Variants in NRG1 observed in about 807,000 individuals in gnomAD.
NRG1 encodes the protein pro-neuregulin-1, membrane-bound isoform.
NRG1 carries 18 observed loss-of-function variants against 63.8 expected under a neutral mutation model. That is an observed-to-expected ratio of 0.28 (90% CI 0.19 to 0.42). NRG1 has a LOEUF of 0.42. Ranked by LOEUF, NRG1 falls within the 10% of genes least tolerant of loss-of-function variation. The pLI is 1.00. For synonymous variants in NRG1, 302 were observed against 301.3 expected (o/e 1.00, Z -0.02); for missense variants, 762 against 814.7 (o/e 0.94, Z 0.79).
intron 7 of NRG1, chr8:32,748,607 T>C (rs1828035376): frequency 4.7e-6 from 2 of 422,180 alleles, no homozygotes; most frequent in Non-Finnish European, 9.4e-6. Context: ...TTGCTGGCTC[T>C]TGGCTCATAC....
At chr8:32,167,347 C>A (rs1585784145) in intron 1 of NRG1, among the ~76,000 whole-genome samples, 1 of 152,056 alleles carries the variant, frequency 6.6e-6, no homozygotes, top group Non-Finnish European at 1.5e-5. Context: ...TTTGTTTTAT[C>A]CACTTTTATA....
chr8:32,397,775 A>G (rs1587364674), intron 1 of NRG1, among the ~76,000 whole-genome samples: 1 of 152,200 alleles, frequency 6.6e-6, no homozygotes, highest in Non-Finnish European at 1.5e-5. Context: ...AGTGATACCC[A>G]GTCTATTGCA....
intron 1 of NRG1, among the ~76,000 whole-genome samples, chr8:31,687,907 A>G (rs1809072985): frequency 6.6e-6 from 1 of 152,298 alleles, no homozygotes; most frequent in South Asian, 2.1e-4. Context: ...TCTGCAGCTC[A>G]GACTGTTCCA....
intron 5 of NRG1, among the ~76,000 whole-genome samples, chr8:32,652,819 G>A (rs1431047162): frequency 6.6e-6 from 1 of 151,958 alleles, no homozygotes; most frequent in East Asian, 1.9e-4. Flanking sequence ...TGTACTCCCA[G>A]AAAACGATGT....
intron 1 of NRG1, 145 bp from the exon 2 acceptor site, chr8:32,595,683 G>T: frequency 3.5e-6 from 2 of 570,774 alleles, no homozygotes; most frequent in Non-Finnish European, 5.7e-6. Context: ...ATCCATTTTC[G>T]CTCATCCATT....
At chr8:31,877,065 T>A (rs762065745) in intron 1 of NRG1, among the ~76,000 whole-genome samples, 4 of 152,192 alleles carry the variant, frequency 2.6e-5, no homozygotes, top group Non-Finnish European at 5.9e-5. Context: ...AATCTTTAGA[T>A]CTGAGAATAA....
intron 1 of NRG1, among the ~76,000 whole-genome samples, chr8:32,339,151 A>G (rs1457988809): frequency 1.3e-5 from 2 of 152,144 alleles, no homozygotes; most frequent in Non-Finnish European, 2.9e-5. Context: ...TCCATGTACT[A>G]CAGTTCCCTC....
Position 31,691,324 on chromosome 8 carries a change from G to T in NRG1, c.37+51893G>T, listed in dbSNP as rs947585071. 2.0e-5 allele frequency among the ~76,000 whole-genome samples: 3 copies of T among 152,136 alleles called. No individual in the cohort carries two copies. The East Asian group carries it at 5.8e-4, about 29-fold the overall frequency. The stretch of plus-strand genomic sequence containing the variant: ...TGGAAATTAACATAAAAGTAGATCT[G>T]AGGCCGGGCGCGGTGGCTCACGCCT... On this transcript the variant is annotated intron_variant, in intron 1 of 10. Transcript: ENST00000519301.
intron 1 of NRG1, among the ~76,000 whole-genome samples, chr8:32,299,025 C>CAAAAAAA (rs34799826): frequency 8.4e-5 from 5 of 59,556 alleles, no homozygotes; most frequent in African/African-American, 2.4e-4. Flanking sequence ...GACTCTATCT[C>CAAAAAAA]AAAAAAAAAA....
chr8:32,732,638 A>G (rs1319243971), intron 6 of NRG1, among the ~76,000 whole-genome samples: 2 of 152,100 alleles, frequency 1.3e-5, no homozygotes, highest in Non-Finnish European at 2.9e-5. Flanking sequence ...GGAGTCAGTG[A>G]AATTAAATGA....
intron 1 of NRG1, among the ~76,000 whole-genome samples, chr8:31,987,638 G>C (rs906606602): frequency 1.3e-5 from 2 of 151,750 alleles, no homozygotes; most frequent in South Asian, 4.2e-4. Flanking sequence ...CTACCTATCC[G>C]GTACTATGCT....
chr8:32,465,039 G>A (rs1035932727), intron 1 of NRG1, among the ~76,000 whole-genome samples: 1 of 152,126 alleles, frequency 6.6e-6, no homozygotes, highest in African/African-American at 2.4e-5. Context: ...GCTGGGTTTG[G>A]TGGTGTGTGC....
At chr8:31,973,654 A>G (rs1327688573) in intron 1 of NRG1, among the ~76,000 whole-genome samples, 1 of 152,212 alleles carries the variant, frequency 6.6e-6, no homozygotes, top group Non-Finnish European at 1.5e-5. Flanking sequence ...AAATTAGCAT[A>G]CAATTACTTA....
At chr8:32,677,748 A>G (rs571271564) in intron 5 of NRG1, among the ~76,000 whole-genome samples, 2 of 152,324 alleles carry the variant, frequency 1.3e-5, no homozygotes, top group South Asian at 4.1e-4. Context: ...TCCTGCAAAC[A>G]ATTTCCACTT....
chr8:32,573,416 G>T (rs1409726655), intron 1 of NRG1, among the ~76,000 whole-genome samples: 1 of 152,210 alleles, frequency 6.6e-6, no homozygotes, highest in Non-Finnish European at 1.5e-5. Context: ...TTTGGCTTAT[G>T]AGCCGTATTT....
intron 1 of NRG1, among the ~76,000 whole-genome samples, chr8:31,694,839 A>C (rs999683111): frequency 6.6e-6 from 1 of 152,228 alleles, no homozygotes; most frequent in Non-Finnish European, 1.5e-5. Flanking sequence ...TGATTGCCTC[A>C]TATTTCTAAC....
At chr8:32,689,033 G>C (rs921281623) in intron 5 of NRG1, among the ~76,000 whole-genome samples, 3 of 152,102 alleles carry the variant, frequency 2.0e-5, no homozygotes, top group African/African-American at 7.2e-5. Flanking sequence ...CTGCAGCCAA[G>C]AAAAGCAAGA....
chr8:32,091,277 CAA>C (rs34853603), intron 1 of NRG1, among the ~76,000 whole-genome samples: 19 of 119,258 alleles, frequency 1.6e-4, no homozygotes, highest in Non-Finnish European at 1.6e-4. Flanking sequence ...GACTTGGTCT[CAA>C]AAAAAAAAAA....
At chr8:32,731,366 C>T (rs2129019652) in intron 6 of NRG1, among the ~76,000 whole-genome samples, 1 of 151,470 alleles carries the variant, frequency 6.6e-6, no homozygotes, top group African/African-American at 2.4e-5. Context: ...AGCTAATTGT[C>T]TAGTGGATCA....
Sources: allele counts gnomAD v4.1 joint callset (sites outside exome capture counted in the v4.1 genomes callset), GRCh38; gene constraint gnomAD v4.1.1; transcripts MANE v1.5; gene names NCBI Gene and HGNC (gene_info 2026-07-23, HGNC 2026-07-21).